QTGAL: variants seen among roughly 807,000 people sequenced by gnomAD.
QTGAL encodes queuosine-tRNA galactosyltransferase, also known as BGnT-like protein 1.
chr17:83,027,104 C>G, the QTGAL span, among the ~76,000 whole-genome samples: 5 of 131,626 alleles, frequency 3.8e-5, no homozygotes, highest in East Asian at 2.5e-4. Context: ...ACACACAGAG[C>G]AGGGCGGGGA....
chr17:82,951,834 G>A, the QTGAL span, among the ~76,000 whole-genome samples: 19 of 152,080 alleles, frequency 1.2e-4, no homozygotes, highest in African/African-American at 3.6e-4. Context: ...GGCGACAGCT[G>A]CTGTCAGAAC....
At chr17:83,011,421 G>T in the QTGAL span, 2 of 152,178 alleles carry the variant, frequency 1.3e-5, no homozygotes, top group Non-Finnish European at 2.9e-5. Flanking sequence ...AGAAAACAAC[G>T]ACCAAGTACA....
chr17:83,029,068 G>A, the QTGAL span, among the ~76,000 whole-genome samples: 1 of 152,238 alleles, frequency 6.6e-6, no homozygotes, highest in Non-Finnish European at 1.5e-5. Context: ...GGCTGCCGTG[G>A]GGACCGGAGC....
chr17:83,007,271 C>T, the QTGAL span: 95 of 985,200 alleles, frequency 9.6e-5, no homozygotes, highest in Non-Finnish European at 1.1e-4. Context: ...GCTCTGGAGC[C>T]GCCGCCCTGC....
the QTGAL span, among the ~76,000 whole-genome samples, chr17:83,030,353 A>G: frequency 1.3e-5 from 2 of 152,214 alleles, no homozygotes; most frequent in Non-Finnish European, 2.9e-5. Context: ...ATAAAGCAGA[A>G]GCAAAACCAC....
the QTGAL span, among the ~76,000 whole-genome samples, chr17:82,974,794 G>C: frequency 1.3e-5 from 2 of 152,238 alleles, no homozygotes; most frequent in African/African-American, 4.8e-5. Context: ...AGGAGGCACA[G>C]GCAGGCTGGG....
At chr17:82,958,845 ACACTGGGGGTGTATGGT>A in the QTGAL span, among the ~76,000 whole-genome samples, 1 of 100,616 alleles carries the variant, frequency 9.9e-6, no homozygotes, top group Non-Finnish European at 2.0e-5. Context: ...GTGTGTGTGT[ACACTGGGGGTGTATGGT>A]GTGTGTGTGT....
At chr17:82,944,825 G>C in the QTGAL span, 1 of 152,188 alleles carries the variant, frequency 6.6e-6, no homozygotes, top group Non-Finnish European at 1.5e-5. Flanking sequence ...TAGCAGAATG[G>C]ATGAGAGAAT....
At chr17:82,956,504 C>T in the QTGAL span, among the ~76,000 whole-genome samples, 2 of 152,234 alleles carry the variant, frequency 1.3e-5, no homozygotes, top group Non-Finnish European at 2.9e-5. The surrounding 1 kb of genome is among the most constrained non-coding windows in gnomAD (Gnocchi z 5.7). Context: ...CTCCTGCCCC[C>T]AGGGCAGCGG....
At chr17:83,015,058 G>T in the QTGAL span, among the ~76,000 whole-genome samples, 1 of 151,584 alleles carries the variant, frequency 6.6e-6, no homozygotes, top group African/African-American at 2.4e-5. The surrounding 1 kb of genome is among the most constrained non-coding windows in gnomAD (Gnocchi z 4.4). Context: ...CTGCGGTGAG[G>T]ACCTGCCACC....
At chr17:83,016,291 C>T in the QTGAL span, among the ~76,000 whole-genome samples, 71 of 152,192 alleles carry the variant, frequency 4.7e-4, 1 homozygote, top group African/African-American at 1.6e-3. Context: ...TTAAGTTGAA[C>T]GCTAAGATGA....
At chr17:83,030,559 T>C in the QTGAL span, among the ~76,000 whole-genome samples, 1 of 152,232 alleles carries the variant, frequency 6.6e-6, no homozygotes, top group African/African-American at 2.4e-5. Context: ...GCCACATCCC[T>C]GTCCCCTCGG....
chr17:82,990,645 G>A, the QTGAL span, among the ~76,000 whole-genome samples: 1 of 152,328 alleles, frequency 6.6e-6, no homozygotes, highest in East Asian at 1.9e-4. Flanking sequence ...TTAGATTTGG[G>A]GATTTTGATC....
the QTGAL span, among the ~76,000 whole-genome samples, chr17:82,963,265 G>C: frequency 6.6e-6 from 1 of 152,144 alleles, no homozygotes; most frequent in Non-Finnish European, 1.5e-5. Flanking sequence ...AAAGGAAGCC[G>C]AGTCAGGGAC....
chr17:82,947,220 C>G, the QTGAL span: 4 of 526,850 alleles, frequency 7.6e-6, no homozygotes, highest in East Asian at 1.2e-4. Context: ...GCCTTCTGGC[C>G]TTGCCTCTCT....
the QTGAL span, among the ~76,000 whole-genome samples, chr17:83,001,954 G>T: frequency 6.6e-6 from 1 of 151,856 alleles, no homozygotes; most frequent in South Asian, 2.1e-4. Context: ...TAGAGACAGG[G>T]TCTCACTATA....
the QTGAL span, among the ~76,000 whole-genome samples, chr17:83,008,501 C>G: frequency 1.3e-5 from 2 of 152,294 alleles, no homozygotes; most frequent in East Asian, 3.9e-4. Flanking sequence ...GGGGGCTGTG[C>G]TCCCTAAGTT....
At chr17:83,028,613 G>C in the QTGAL span, among the ~76,000 whole-genome samples, 1 of 151,840 alleles carries the variant, frequency 6.6e-6, no homozygotes, top group Non-Finnish European at 1.5e-5. Flanking sequence ...ACACATCAGA[G>C]CTACTAGAAT....
the QTGAL span, among the ~76,000 whole-genome samples, chr17:83,028,291 G>C: frequency 6.6e-6 from 1 of 151,862 alleles, no homozygotes; most frequent in Non-Finnish European, 1.5e-5. Context: ...TTGGGAGGCC[G>C]AGGCGGGCGG....
Sources: gnomAD v4.1 joint callset for allele counts (sites outside exome capture counted in the v4.1 genomes callset) on GRCh38, gnomAD v4.1.1 for gene constraint, Gnocchi (gnomAD v3.1) non-coding constraint, MANE v1.5 for transcripts, NCBI Gene and HGNC (gene_info 2026-07-23, HGNC 2026-07-21) for gene names.